Variants in SDHAF4 observed in about 807,000 individuals in gnomAD.
SDHAF4 encodes succinate dehydrogenase complex assembly factor 4.
In SDHAF4, 14 loss-of-function variants were observed where a neutral mutation model predicts 14.3. The observed-to-expected ratio is 0.98, with a 90% confidence interval of 0.65 to 1.53. The LOEUF is 1.53. Among genes scored for constraint, SDHAF4 ranks in the 40% most tolerant of loss-of-function variants. The pLI, the probability that SDHAF4 is intolerant of heterozygous loss-of-function variation, is 0.00. For synonymous variants in SDHAF4, 63 were observed against 47.3 expected (o/e 1.33, Z -1.36); for missense variants, 141 against 129.3 (o/e 1.09, Z -0.44).
chr6:70,592,492 A>G (rs1335859791), downstream of SDHAF4, among the ~76,000 whole-genome samples: 1 of 152,262 alleles, frequency 6.6e-6, no homozygotes, highest in Non-Finnish European at 1.5e-5. Flanking sequence ...AAACTGGAGT[A>G]AAAGCCTTTC....
the SDHAF4 span, among the ~76,000 whole-genome samples, chr6:70,597,740 A>G: frequency 6.6e-6 from 1 of 152,190 alleles, no homozygotes; most frequent in Non-Finnish European, 1.5e-5. Flanking sequence ...TTAATTAAAT[A>G]TTCATTTTAT....
intron 2 of SDHAF4, among the ~76,000 whole-genome samples, chr6:70,582,891 A>T (rs555139973): frequency 6.6e-6 from 1 of 152,284 alleles, no homozygotes; most frequent in Admixed American, 6.5e-5. Context: ...AAAACTGTGT[A>T]GGTTGTCTCC....
chr6:70,593,970 C>T (rs1765280642), downstream of SDHAF4, among the ~76,000 whole-genome samples: 1 of 152,166 alleles, frequency 6.6e-6, no homozygotes, highest in Non-Finnish European at 1.5e-5. Flanking sequence ...GCTGGAATTA[C>T]AGGTGTGAGA....
At position 70,588,622 on chromosome 6, in the gene SDHAF4, A is replaced by G; in HGVS notation, c.225A>G (p.Pro75=). The change falls in exon 3 of 3, where the codon CCA becomes CCG. Residue 75 remains proline (P), a synonymous_variant. Coordinates refer to ENST00000370474, the MANE Select transcript of SDHAF4 (RefSeq NM_145267.3). The stretch of plus-strand genomic sequence containing the variant: ...ATATCTCGTTTTCCTTAGAATTTCC[A>G]GATGATGTTAATCCAGTGACCAAAG... ...HLEKEPLEKF[P]DDVNPVTKEK... 1 of 1,580,278 alleles carries G rather than the reference A, an allele frequency of 6.3e-7. No individual in the cohort carries two copies. The highest frequency in any genetic ancestry group is 8.6e-7 in the Non-Finnish European group (1 of 1,156,132).
chr6:70,577,446 A>AT (rs1257804235), intron 1 of SDHAF4, among the ~76,000 whole-genome samples: 3 of 152,196 alleles, frequency 2.0e-5, no homozygotes, highest in Non-Finnish European at 4.4e-5. Context: ...CTTGCTGAAT[A>AT]TTATCTCAAT....
At chr6:70,588,119 C>T (rs1321145923) in intron 2 of SDHAF4, among the ~76,000 whole-genome samples, 1 of 152,226 alleles carries the variant, frequency 6.6e-6, no homozygotes, top group Non-Finnish European at 1.5e-5. Context: ...AATTTGTACT[C>T]TGTATTCTCT....
intron 2 of SDHAF4, among the ~76,000 whole-genome samples, chr6:70,583,073 C>T (rs1023194567): frequency 1.3e-5 from 2 of 152,096 alleles, no homozygotes; most frequent in Non-Finnish European, 2.9e-5. Context: ...AGAGGAAAGT[C>T]GACAAAAGAG....
Position 70,588,741 on chromosome 6 carries a change from C to G in SDHAF4, c.*17C>G. The G allele has an allele frequency of 2.1e-6, 3 of 1,424,566 alleles. No individual in the cohort carries two copies. The highest frequency in any genetic ancestry group is 2.0e-6 in the Non-Finnish European group (2 of 1,020,332). The allele number at this position is 1,424,566 out of a possible 1,614,324, so 88.2% of individuals were successfully genotyped here. A position where few individuals can be genotyped will look rare whatever the true frequency, so the allele number is the denominator to read the frequency against. On this transcript the variant is annotated 3_prime_UTR_variant, in exon 3 of 3. Transcript: ENST00000370474. ...GATTTTTAAGTCGCATATTCTTTAA[C>G]TTCAATATTGTTTTCTGAATATGTA...
At chr6:70,583,698 AAAC>A (rs1451034337) in intron 2 of SDHAF4, among the ~76,000 whole-genome samples, 3 of 152,150 alleles carry the variant, frequency 2.0e-5, no homozygotes, top group African/African-American at 7.2e-5. Context: ...AAACAAAACA[AAAC>A]AAAAATCACA....
At chr6:70,598,253 C>T in the SDHAF4 span, among the ~76,000 whole-genome samples, 6 of 152,088 alleles carry the variant, frequency 3.9e-5, no homozygotes, top group East Asian at 1.9e-4. Flanking sequence ...CTGGCGGGCA[C>T]CTGTAACCCC....
At chr6:70,582,114 C>G (rs1218835695) in intron 2 of SDHAF4, among the ~76,000 whole-genome samples, 3 of 152,152 alleles carry the variant, frequency 2.0e-5, no homozygotes, top group Non-Finnish European at 2.9e-5. Flanking sequence ...CTCTGTCACC[C>G]AGGCTGAAGT....
intron 1 of SDHAF4, among the ~76,000 whole-genome samples, chr6:70,577,444 A>G (rs775976689): frequency 6.6e-6 from 1 of 152,210 alleles, no homozygotes; most frequent in Non-Finnish European, 1.5e-5. Flanking sequence ...CCCTTGCTGA[A>G]TATTATCTCA....
chr6:70,571,659 T>G (rs1204355215), intron 1 of SDHAF4, among the ~76,000 whole-genome samples: 1 of 152,212 alleles, frequency 6.6e-6, no homozygotes, highest in African/African-American at 2.4e-5. Flanking sequence ...TATAATGTAC[T>G]GGGGATTCTA....
At chr6:70,574,774 T>C (rs1215668134) in intron 1 of SDHAF4, among the ~76,000 whole-genome samples, 1 of 151,764 alleles carries the variant, frequency 6.6e-6, no homozygotes, top group South Asian at 2.1e-4. Flanking sequence ...CTACAAAAAA[T>C]AAAATTAGCT....
At chr6:70,591,334 ATTTT>A (rs76350573), downstream of SDHAF4, among the ~76,000 whole-genome samples, 274 of 101,116 alleles carry the variant, frequency 2.7e-3, no homozygotes, top group Non-Finnish European at 4.5e-3. Flanking sequence ...GAGAGGAAAG[ATTTT>A]TTTTTTTTTT....
At chr6:70,579,676 A>G (rs1305517544) in intron 2 of SDHAF4, 110 bp downstream of exon 2, 1 of 839,556 alleles carries the variant, frequency 1.2e-6, no homozygotes, top group Non-Finnish European at 1.7e-6. Context: ...ATTCTGTAGT[A>G]ATAAAGCATA....
At chr6:70,580,899 G>A (rs2691493) in intron 2 of SDHAF4, among the ~76,000 whole-genome samples, 52,182 of 151,974 alleles carry the variant, frequency 0.34, 13,685 homozygotes, top group African/African-American at 0.74. Context: ...ATAGATAGTG[G>A]TGATGGTTGT....
At chr6:70,568,375 A>G (rs1445540158) in intron 1 of SDHAF4, among the ~76,000 whole-genome samples, 1 of 152,112 alleles carries the variant, frequency 6.6e-6, no homozygotes, top group Non-Finnish European at 1.5e-5. Flanking sequence ...ATGAACTTAT[A>G]CTCCAATTTA....
chr6:70,569,228 T>A (rs932501107), intron 1 of SDHAF4, among the ~76,000 whole-genome samples: 1 of 152,004 alleles, frequency 6.6e-6, no homozygotes, highest in African/African-American at 2.4e-5. Flanking sequence ...CCTCCCAAAG[T>A]GCTGGGATTA....
Sources: gnomAD v4.1 joint callset for allele counts (sites outside exome capture counted in the v4.1 genomes callset) on GRCh38, gnomAD v4.1.1 for gene constraint, MANE v1.5 for transcripts, NCBI Gene and HGNC (gene_info 2026-07-23, HGNC 2026-07-21) for gene names.